The following USP13 variants were observed in gnomAD, a reference collection of about 807,000 sequenced individuals.
USP13 encodes the protein ubiquitin carboxyl-terminal hydrolase 13.
USP13 carries 68 observed loss-of-function variants against 107.8 expected under a neutral mutation model. The observed-to-expected ratio is 0.63, with a 90% CI of 0.52 to 0.77. The LOEUF (loss-of-function observed/expected upper bound fraction) is 0.77. Among genes scored for constraint, USP13 ranks in the 30% least tolerant of loss-of-function variants. The pLI is 0.00. For missense variants in USP13, 945 were observed against 1,093.3 expected (o/e 0.86, Z 1.91); for synonymous variants, 377 against 389.5 (o/e 0.97, Z 0.38).
chr3:179,783,405 C>T (rs139036408), intron 20 of USP13, among the ~76,000 whole-genome samples: 3 of 152,282 alleles, frequency 2.0e-5, no homozygotes, highest in Admixed American at 2.0e-4. Flanking sequence ...AGAGTGCATA[C>T]AATTTTTTAA....
intron 10 of USP13, among the ~76,000 whole-genome samples, chr3:179,736,127 T>G (rs896722536): frequency 6.6e-6 from 1 of 152,202 alleles, no homozygotes; most frequent in Non-Finnish European, 1.5e-5. Flanking sequence ...CATCTTCTGA[T>G]TTTTTCCTGC....
chr3:179,745,123 A>G lies in USP13; in HGVS notation c.1615A>G (p.Ile539Val). The stretch of plus-strand genomic sequence containing the variant: ...CCTTCCTGAGTTGGTACGTGCCAAG[A>G]TACCATTTAGTGCCTGCCTTCAGGC... Reference protein sequence around the residue: ...RPLPELVRAKIPFSACLQAFS... With the variant: ...RPLPELVRAKVPFSACLQAFS... The change falls in exon 13 of 21, where the codon ATA (isoleucine) becomes GTA (valine). Residue 539 changes from isoleucine to valine, a missense_variant. Ile to Val is a conservative substitution (Grantham distance 29). Transcript: ENST00000263966. The G allele has an allele frequency of 6.2e-7, 1 of 1,614,188 alleles. No individual in the cohort carries two copies. Among genetic ancestry groups the G allele is most frequent in the Non-Finnish European group, 8.5e-7 (1 of 1,180,042 alleles).
At chr3:179,766,275 GC>G (rs1436391063) in intron 19 of USP13, among the ~76,000 whole-genome samples, 2 of 151,960 alleles carry the variant, frequency 1.3e-5, no homozygotes, top group Non-Finnish European at 2.9e-5. Context: ...ACCATGCCTG[GC>G]CAGATCCCAT....
chr3:179,692,487 C>T (rs1712147721), intron 3 of USP13, among the ~76,000 whole-genome samples: 1 of 152,160 alleles, frequency 6.6e-6, no homozygotes, highest in Non-Finnish European at 1.5e-5. Flanking sequence ...TGTCTTTGGA[C>T]CACAACCCAG....
At chr3:179,701,387 T>C (rs9833074) in intron 4 of USP13, among the ~76,000 whole-genome samples, 131,928 of 152,148 alleles carry the variant, frequency 0.87, 57,905 homozygotes, top group Non-Finnish European at 0.94. Flanking sequence ...GCTCATTAGC[T>C]GGTCTCTTCC....
chr3:179,754,562 C>T (rs1419306380), intron 14 of USP13, among the ~76,000 whole-genome samples, 170 bp from the exon 15 acceptor site: 1 of 152,114 alleles, frequency 6.6e-6, no homozygotes, highest in African/African-American at 2.4e-5. Context: ...CTGGGTTCTC[C>T]ACTAATATCT....
At chr3:179,768,281 C>T (rs1380475059) in intron 19 of USP13, among the ~76,000 whole-genome samples, 2 of 152,160 alleles carry the variant, frequency 1.3e-5, no homozygotes, top group African/African-American at 4.8e-5. Flanking sequence ...TTCCTTTCTT[C>T]TGATGGAGCT....
At chr3:179,708,678 T>C in intron 5 of USP13, 95 bp from the exon 6 acceptor site, 2 of 1,456,394 alleles carry the variant, frequency 1.4e-6, no homozygotes, top group Non-Finnish European at 1.9e-6. Flanking sequence ...TGAGCCTTTG[T>C]TGTGACCTGC....
intron 19 of USP13, among the ~76,000 whole-genome samples, chr3:179,776,858 GTTTTTTTTTTTT>G (rs71628094): frequency 2.6e-5 from 2 of 78,300 alleles, no homozygotes; most frequent in African/African-American, 5.2e-5. Flanking sequence ...TAGAGTGCTG[GTTTTTTTTTTTT>G]TTTTTTTTTT....
chr3:179,727,819 C>T (rs1296975134), intron 8 of USP13, among the ~76,000 whole-genome samples: 3 of 99,716 alleles, frequency 3.0e-5, no homozygotes, highest in African/African-American at 1.0e-4. Flanking sequence ...ACCTCCCTCC[C>T]GGACGGGGCG....
chr3:179,762,465 C>G (rs1002823616), intron 17 of USP13, among the ~76,000 whole-genome samples: 2 of 152,160 alleles, frequency 1.3e-5, no homozygotes, highest in African/African-American at 4.8e-5. Flanking sequence ...CCTGGAGTCT[C>G]AGCTACTTGG....
At chr3:179,684,896 T>A (rs1432715872) in intron 2 of USP13, among the ~76,000 whole-genome samples, 1 of 152,110 alleles carries the variant, frequency 6.6e-6, no homozygotes, top group Non-Finnish European at 1.5e-5. Flanking sequence ...TCATCTAGCT[T>A]AAAAAATCCT....
At chr3:179,781,911 A>C in intron 20 of USP13, 88 bp downstream of exon 20, 2 of 1,201,524 alleles carry the variant, frequency 1.7e-6, no homozygotes, top group South Asian at 2.6e-5. Context: ...ATTGTATGTT[A>C]TCTTATTTGG....
intron 1 of USP13, among the ~76,000 whole-genome samples, chr3:179,659,914 C>T (rs1233870954): frequency 6.6e-6 from 1 of 152,016 alleles, no homozygotes; most frequent in Non-Finnish European, 1.5e-5. Context: ...GGGTAGCGGG[C>T]GCCTGTAGTC....
At chr3:179,750,302 G>GTATATATATATATATATATATATA (rs1456279754) in intron 13 of USP13, among the ~76,000 whole-genome samples, 1 of 111,048 alleles carries the variant, frequency 9.0e-6, no homozygotes, top group Non-Finnish European at 1.9e-5. Flanking sequence ...ATATATGTGT[G>GTATATATATATATATATATATATA]TGTATATATA....
In USP13 at chr3:179,757,052, A is replaced by T. The variant is rs1293287015; in HGVS notation, c.1922A>T (p.Asp641Val). The change falls in exon 16 of 21, where the codon GAT becomes GTT. Residue 641 changes from aspartate to valine, a missense_variant and splice_region_variant. Physicochemically the swap from Asp to Val is radical, Grantham distance 152. Transcript: ENST00000263966. Reference sequence around the variant, plus strand: ...TTCTGTCCTCTCCCTTAATTTCCAGATCGCCTGATGAACCAATTGATAGAC... The same window carrying T: ...TTCTGTCCTCTCCCTTAATTTCCAGTTCGCCTGATGAACCAATTGATAGAC... ...PPIVIPDDSKDRLMNQLIDPS... is the reference protein window; with the variant it reads ...PPIVIPDDSKVRLMNQLIDPS... 2 of 1,614,074 alleles carry T rather than the reference A, an allele frequency of 1.2e-6. No individual in the cohort carries two copies. Among genetic ancestry groups the T allele is most frequent in the South Asian group, 1.1e-5 (1 of 91,074 alleles).
At chr3:179,727,163 GTTTTTTTTTTTT>G in intron 8 of USP13, among the ~76,000 whole-genome samples, 1 of 114,358 alleles carries the variant, frequency 8.7e-6, no homozygotes, top group South Asian at 3.1e-4. Flanking sequence ...AATTTTTAAT[GTTTTTTTTTTTT>G]TTTTTTTTTA....
chr3:179,737,141 C>T lies in USP13; in HGVS notation c.1255-3106C>T, dbSNP rs187782941. 3.0e-4 allele frequency among the ~76,000 whole-genome samples: 46 copies of T among 152,196 alleles called. No individual in the cohort carries two copies. The Middle Eastern group carries it at 0.014, about 45-fold the overall frequency. On this transcript the variant is annotated intron_variant, in intron 10 of 20. Coordinates refer to ENST00000263966, the MANE Select transcript of USP13 (RefSeq NM_003940.3). ...TGATGTGTTGTCTTCTCTTTAGCAG[C>T]TAGTAGGATGGACTCAGGGACCTCA...
At chr3:179,688,561 G>T (rs947556649) in intron 2 of USP13, among the ~76,000 whole-genome samples, 2 of 152,168 alleles carry the variant, frequency 1.3e-5, no homozygotes, top group Admixed American at 6.5e-5. Context: ...TGTTGATTTT[G>T]GTTGTTGACT....
Sources: allele counts gnomAD v4.1 joint callset (sites outside exome capture counted in the v4.1 genomes callset), GRCh38; gene constraint gnomAD v4.1.1; transcripts MANE v1.5; gene names NCBI Gene and HGNC (gene_info 2026-07-23, HGNC 2026-07-21).